The following KIAA1958 variants were observed in gnomAD, a reference collection of about 807,000 sequenced individuals.
KIAA1958 encodes the protein uncharacterized protein KIAA1958.
In KIAA1958, 14 loss-of-function variants were observed where a neutral mutation model predicts 47.2. The observed-to-expected ratio is 0.30, with a 90% CI of 0.20 to 0.46. The LOEUF is 0.46. KIAA1958 is among the 20% of genes least tolerant of loss of function. The pLI is 1.00. For missense variants in KIAA1958, 803 were observed against 909.2 expected, an observed-to-expected ratio of 0.88 and a Z score of 1.50; for synonymous variants, 354 against 353.3, an observed-to-expected ratio of 1.00 and a Z score of -0.02.
chr9:112,521,961 CTTTATTTATTTA>C (rs146357893), intron 1 of KIAA1958, among the ~76,000 whole-genome samples: 1 of 146,542 alleles, frequency 6.8e-6, no homozygotes, highest in Admixed American at 6.8e-5. Context: ...TTTTAAATAA[CTTTATTTATTTA>C]TTTATTTATT....
At chr9:112,505,417 G>A (rs1587992188) in intron 1 of KIAA1958, among the ~76,000 whole-genome samples, 1 of 152,256 alleles carries the variant, frequency 6.6e-6, no homozygotes, top group Admixed American at 6.5e-5. Flanking sequence ...AGGTAAATTC[G>A]TGTGAGTAGA....
intron 1 of KIAA1958, among the ~76,000 whole-genome samples, chr9:112,509,471 T>G (rs1834287754): frequency 6.6e-6 from 1 of 152,182 alleles, no homozygotes; most frequent in Non-Finnish European, 1.5e-5. Flanking sequence ...GCCAGGCCCA[T>G]TCTTAATGGG....
chr9:112,665,694 A>G lies in KIAA1958; in HGVS notation c.*5625A>G, dbSNP rs1588060026. On this transcript the variant is annotated 3_prime_UTR_variant, in exon 4 of 4. Transcript: ENST00000337530. Reference sequence around the variant, plus strand: ...ACTTGGGAACTTAATCGATCCTGGAAAGCCTGGCGGTTCCCCAGTATTTTC... The same window carrying G: ...ACTTGGGAACTTAATCGATCCTGGAGAGCCTGGCGGTTCCCCAGTATTTTC... The G allele has an allele frequency of 6.6e-6, 1 of 152,168 alleles. No individual in the cohort carries two copies. The highest frequency in any genetic ancestry group is 6.5e-5 in the Admixed American group (1 of 15,268). The allele number at this position is 152,168 out of a possible 1,614,324, so 9.4% of individuals were successfully genotyped here. A position where few individuals can be genotyped will look rare whatever the true frequency, so the allele number is the denominator to read the frequency against.
chr9:112,633,820 A>G (rs1836752307), intron 2 of KIAA1958, among the ~76,000 whole-genome samples: 1 of 152,216 alleles, frequency 6.6e-6, no homozygotes, highest in Non-Finnish European at 1.5e-5. Context: ...TGTCACTATC[A>G]TATAATAATT....
chr9:112,487,942 T>TGC (rs1833895038), intron 1 of KIAA1958, among the ~76,000 whole-genome samples: 2 of 90,640 alleles, frequency 2.2e-5, no homozygotes, highest in South Asian at 4.2e-4. Flanking sequence ...ATTTAGTGTG[T>TGC]GTGCGTGTGT....
At chr9:112,609,603 G>A (rs766789066) in intron 2 of KIAA1958, among the ~76,000 whole-genome samples, 5 of 152,104 alleles carry the variant, frequency 3.3e-5, no homozygotes, top group African/African-American at 4.8e-5. Context: ...TCAAGCTGGA[G>A]TGCAGTGGCA....
chr9:112,597,673 T>G (rs982127661), intron 2 of KIAA1958, among the ~76,000 whole-genome samples: 1 of 152,216 alleles, frequency 6.6e-6, no homozygotes, highest in Admixed American at 6.5e-5. Context: ...GTTTAACAGT[T>G]GAGGGAGACA....
chr9:112,636,727 A>G (rs1836811340), intron 2 of KIAA1958, among the ~76,000 whole-genome samples: 1 of 151,854 alleles, frequency 6.6e-6, no homozygotes, highest in African/African-American at 2.4e-5. Flanking sequence ...ACTTTTTTCA[A>G]CCTTTTGCTT....
intron 1 of KIAA1958, among the ~76,000 whole-genome samples, chr9:112,526,381 G>A (rs931072034): frequency 2.6e-5 from 4 of 151,922 alleles, no homozygotes; most frequent in Non-Finnish European, 5.9e-5. Context: ...AGCCTCTCAA[G>A]TAGCTGGGAT....
intron 1 of KIAA1958, among the ~76,000 whole-genome samples, chr9:112,508,910 T>C (rs970407661): frequency 6.6e-6 from 1 of 152,200 alleles, no homozygotes; most frequent in African/African-American, 2.4e-5. Context: ...TTCACTAATA[T>C]AGTACTTTTG....
intron 2 of KIAA1958, among the ~76,000 whole-genome samples, chr9:112,585,175 A>C (rs1256959472): frequency 6.6e-6 from 1 of 152,208 alleles, no homozygotes. Flanking sequence ...ACTTTGTGAC[A>C]AGCACTGTGC....
chr9:112,521,494 G>T (rs753648759), intron 1 of KIAA1958, among the ~76,000 whole-genome samples: 1 of 152,120 alleles, frequency 6.6e-6, no homozygotes, highest in Non-Finnish European at 1.5e-5. Context: ...AATTACAGGC[G>T]TGAGCTACCA....
At chr9:112,597,949 GA>G (rs1338201165) in intron 2 of KIAA1958, among the ~76,000 whole-genome samples, 2 of 152,050 alleles carry the variant, frequency 1.3e-5, no homozygotes, top group Admixed American at 6.6e-5. Context: ...AAACAGTGGG[GA>G]AAAAAAGGTT....
intron 1 of KIAA1958, among the ~76,000 whole-genome samples, chr9:112,499,779 C>T (rs1210571991): frequency 2.0e-5 from 3 of 150,534 alleles, no homozygotes; most frequent in South Asian, 2.1e-4. Flanking sequence ...AGCTCCGCCT[C>T]CCAGGTTCGT....
intron 3 of KIAA1958, among the ~76,000 whole-genome samples, chr9:112,656,127 C>CT (rs1357058319): frequency 1.3e-5 from 2 of 152,078 alleles, no homozygotes; most frequent in Non-Finnish European, 2.9e-5. Context: ...AATCCCAGCA[C>CT]TTTGGGAGGC....
chr9:112,591,826 C>T (rs1439336502), intron 2 of KIAA1958, among the ~76,000 whole-genome samples: 1 of 152,110 alleles, frequency 6.6e-6, no homozygotes, highest in African/African-American at 2.4e-5. Context: ...AGTTACGGTG[C>T]CACAAAAGGA....
rs565684623 is a variant in KIAA1958 at position 112,537,307 on chromosome 9, A to G, written c.-24-36750A>G. Among the ~76,000 whole-genome samples the G allele has an allele frequency of 2.0e-3, 301 of 152,234 alleles. 4 individuals carry two copies. The highest frequency in any genetic ancestry group is 6.8e-3 in the African/African-American group (282 of 41,550). ...TGTTTAGTAGAGGCGGAGTTTCACC[A>G]TGTTGACTGAGCTGGTTTTGAACTC... On this transcript the variant is annotated intron_variant, in intron 1 of 3. Transcript: ENST00000337530.
intron 1 of KIAA1958, among the ~76,000 whole-genome samples, chr9:112,490,550 G>A (rs1470155108): frequency 6.6e-6 from 1 of 152,236 alleles, no homozygotes; most frequent in Non-Finnish European, 1.5e-5. Flanking sequence ...CCATAATGAG[G>A]ACTGTGGTTG....
intron 2 of KIAA1958, among the ~76,000 whole-genome samples, chr9:112,613,911 A>G (rs532837629): frequency 6.6e-6 from 1 of 152,326 alleles, no homozygotes; most frequent in African/African-American, 2.4e-5. Context: ...ACTCCTACGT[A>G]TATACCCAAG....
Sources: gnomAD v4.1 joint callset for allele counts (sites outside exome capture counted in the v4.1 genomes callset) on GRCh38, gnomAD v4.1.1 for gene constraint, MANE v1.5 for transcripts, NCBI Gene and HGNC (gene_info 2026-07-23, HGNC 2026-07-21) for gene names.